BBX: variants seen among roughly 807,000 people sequenced by gnomAD.
The protein encoded by BBX is BBX high mobility group box domain containing.
BBX carries 30 observed loss-of-function variants against 100.2 expected under a neutral mutation model. The ratio of observed to expected loss-of-function variants is 0.30; its 90% confidence interval spans 0.22 to 0.41. BBX has a LOEUF of 0.41. BBX is among the 10% of genes least tolerant of loss of function. The probability of loss-of-function intolerance (pLI) is 1.00; values close to 1 mark genes in which losing one functional copy is unlikely to be tolerated. For synonymous variants in BBX, 376 were observed against 388.1 expected (o/e 0.97, Z 0.37); for missense variants, 1,023 against 1,129.8 (o/e 0.91, Z 1.35).
At chr3:107,749,622 C>A (rs776451639) in intron 9 of BBX, among the ~76,000 whole-genome samples, 1 of 151,560 alleles carries the variant, frequency 6.6e-6, no homozygotes, top group Non-Finnish European at 1.5e-5. Flanking sequence ...GCATATGATT[C>A]AGTGTATGAC....
At chr3:107,566,175 CAAAAAAAA>C (rs754905445) in intron 2 of BBX, among the ~76,000 whole-genome samples, 2 of 53,060 alleles carry the variant, frequency 3.8e-5, no homozygotes, top group African/African-American at 7.1e-5. Flanking sequence ...AACTCTGTCT[CAAAAAAAA>C]AAAAAAAAAA....
At chr3:107,790,533 G>T (rs1269385395) in intron 14 of BBX, among the ~76,000 whole-genome samples, 1 of 151,888 alleles carries the variant, frequency 6.6e-6, no homozygotes, top group Non-Finnish European at 1.5e-5. Flanking sequence ...ACCTCTTCAG[G>T]GCTCATCTTA....
At chr3:107,726,939 A>T (rs1489696682) in intron 5 of BBX, among the ~76,000 whole-genome samples, 1 of 151,926 alleles carries the variant, frequency 6.6e-6, no homozygotes, top group East Asian at 1.9e-4. Context: ...GCTCTATGTG[A>T]TTTTCAGCAC....
At chr3:107,699,581 G>T (rs1222881944) in intron 3 of BBX, among the ~76,000 whole-genome samples, 2 of 151,952 alleles carry the variant, frequency 1.3e-5, no homozygotes, top group Non-Finnish European at 2.9e-5. Context: ...AACCAACCTT[G>T]TGGGGCTGGA....
chr3:107,743,052 T>C (rs1329452284), intron 7 of BBX, among the ~76,000 whole-genome samples: 1 of 152,190 alleles, frequency 6.6e-6, no homozygotes, highest in Non-Finnish European at 1.5e-5. Flanking sequence ...ATAGACTTTA[T>C]GCAGTGGAGC....
chr3:107,591,797 C>G (rs1285421924), intron 2 of BBX, among the ~76,000 whole-genome samples: 1 of 152,148 alleles, frequency 6.6e-6, no homozygotes, highest in Non-Finnish European at 1.5e-5. Context: ...AATGTTACAT[C>G]TACTAAACAC....
At chr3:107,705,745 A>G (rs888808787) in intron 3 of BBX, among the ~76,000 whole-genome samples, 1 of 152,152 alleles carries the variant, frequency 6.6e-6, no homozygotes, top group Non-Finnish European at 1.5e-5. Context: ...AATCTTCTAG[A>G]CACTGTGCTG....
chr3:107,582,941 T>C (rs1412494944), intron 2 of BBX, among the ~76,000 whole-genome samples: 1 of 151,992 alleles, frequency 6.6e-6, no homozygotes, highest in Admixed American at 6.6e-5. Context: ...TGCTTTGCTA[T>C]AAAAGTTCTA....
Position 107,772,883 on chromosome 3 carries a change from G to A in BBX, c.1162G>A (p.Asp388Asn). The change falls in exon 11 of 18, where the codon GAT (aspartate) becomes AAT (asparagine). Residue 388 changes from aspartate (D) to asparagine (N), a missense_variant. Physicochemically the swap from Asp to Asn is conservative, Grantham distance 23 (BLOSUM62 1). Transcript: ENST00000325805. ...IDDIMAIKMEDPKEIRKEELE... is the reference protein window; with the variant it reads ...IDDIMAIKMENPKEIRKEELE... ...TGACATAATGGCTATAAAAATGGAA[G>A]ATCCCAAAGAAATTAGAAAGGAAGA... 6.2e-7 allele frequency: 1 copy of A among 1,611,462 alleles called. No homozygotes were observed.
intron 3 of BBX, among the ~76,000 whole-genome samples, chr3:107,658,747 C>G (rs1453672147): frequency 6.6e-6 from 1 of 151,764 alleles, no homozygotes; most frequent in Non-Finnish European, 1.5e-5. Flanking sequence ...TATTTTTCTT[C>G]CTTGTCTTCA....
chr3:107,616,101 T>C (rs775170522), intron 2 of BBX, among the ~76,000 whole-genome samples: 27 of 148,546 alleles, frequency 1.8e-4, no homozygotes, highest in Non-Finnish European at 1.6e-4. Flanking sequence ...TGAGATAATT[T>C]TGGATTCACA....
At chr3:107,586,843 G>A (rs745839238) in intron 2 of BBX, among the ~76,000 whole-genome samples, 2 of 151,510 alleles carry the variant, frequency 1.3e-5, no homozygotes, top group Non-Finnish European at 2.9e-5. Flanking sequence ...CTCCGCCTCC[G>A]AGGTTCAAGC....
intron 2 of BBX, among the ~76,000 whole-genome samples, chr3:107,542,964 A>G (rs1029057120): frequency 2.6e-5 from 4 of 152,202 alleles, no homozygotes; most frequent in African/African-American, 9.7e-5. Context: ...CTGCATTGTT[A>G]AGCCTGTTGT....
chr3:107,791,376 A>G (rs2069010070), intron 15 of BBX, 77 bp downstream of exon 15: 8 of 1,235,386 alleles, frequency 6.5e-6, no homozygotes, highest in Admixed American at 1.8e-5. Context: ...TTTAAAAGGT[A>G]TAATTTATAT....
intron 10 of BBX, among the ~76,000 whole-genome samples, chr3:107,757,246 G>T (rs1189718922): frequency 5.9e-5 from 9 of 151,928 alleles, no homozygotes; most frequent in African/African-American, 1.9e-4. Flanking sequence ...TTGCTGCATG[G>T]GGGGGCTGGT....
chr3:107,561,618 A>G (rs2050505578), intron 2 of BBX, among the ~76,000 whole-genome samples: 2 of 152,164 alleles, frequency 1.3e-5, no homozygotes, highest in African/African-American at 4.8e-5. Flanking sequence ...TTGCAGAATA[A>G]TTTTTACTTT....
At chr3:107,642,013 G>A (rs1319478214) in intron 2 of BBX, 1 of 152,162 alleles carries the variant, frequency 6.6e-6, no homozygotes, top group Non-Finnish European at 1.5e-5. Flanking sequence ...TTTAACTAGA[G>A]ATCAGACTGT....
intron 2 of BBX, among the ~76,000 whole-genome samples, chr3:107,534,032 G>A (rs1296307085): frequency 6.6e-6 from 1 of 152,158 alleles, no homozygotes; most frequent in East Asian, 1.9e-4. Context: ...ATGGGGAAGA[G>A]TCTATATGGC....
chr3:107,780,684 A>G (rs1045626006), intron 13 of BBX, among the ~76,000 whole-genome samples: 74 of 152,194 alleles, frequency 4.9e-4, no homozygotes, highest in African/African-American at 1.7e-3. Context: ...AAATTAAATA[A>G]TATATTATCT....
Sources: gnomAD v4.1 joint callset for allele counts (sites outside exome capture counted in the v4.1 genomes callset) on GRCh38, gnomAD v4.1.1 for gene constraint, MANE v1.5 for transcripts, NCBI Gene and HGNC (gene_info 2026-07-23, HGNC 2026-07-21) for gene names.